Variants in UTS2B observed in about 807,000 individuals in gnomAD.
The protein encoded by UTS2B is urotensin-2B.
UTS2B carries 21 observed loss-of-function variants against 19.2 expected under a neutral mutation model. The ratio of observed to expected loss-of-function variants is 1.09; its 90% CI spans 0.78 to 1.58. The LOEUF is 1.58. Ranked by LOEUF, UTS2B falls within the 40% of genes most tolerant of loss-of-function variation. The pLI is 0.00. For missense variants in UTS2B, 138 were observed against 130.3 expected (o/e 1.06, Z -0.29); for synonymous variants, 57 against 50.2 (o/e 1.14, Z -0.58).
chr3:191,276,197 T>C (rs1490801671), intron 7 of UTS2B, among the ~76,000 whole-genome samples: 1 of 152,178 alleles, frequency 6.6e-6, no homozygotes, highest in African/African-American at 2.4e-5. Flanking sequence ...ACTACAAAAG[T>C]AGGGTTCAGC....
chr3:191,307,667 C>T (rs770184186), intron 3 of UTS2B, among the ~76,000 whole-genome samples: 9 of 152,144 alleles, frequency 5.9e-5, no homozygotes, highest in Non-Finnish European at 1.3e-4. Flanking sequence ...CTTTCCTGCA[C>T]TTTCAGCCTG....
intron 4 of UTS2B, among the ~76,000 whole-genome samples, chr3:191,289,241 C>T (rs1039896783): frequency 6.6e-6 from 1 of 151,882 alleles, no homozygotes; most frequent in Non-Finnish European, 1.5e-5. Context: ...AACCCCATCT[C>T]TACTAAAAAT....
chr3:191,305,141 G>A (rs1301455583), intron 3 of UTS2B, among the ~76,000 whole-genome samples: 1 of 152,144 alleles, frequency 6.6e-6, no homozygotes, highest in East Asian at 1.9e-4. Context: ...GCATGCATGT[G>A]TCTATATAAC....
At chr3:191,339,302 T>A in the UTS2B span, among the ~76,000 whole-genome samples, 9 of 152,336 alleles carry the variant, frequency 5.9e-5, no homozygotes. Context: ...TTAACACTGG[T>A]TAAAAATATG....
intron 4 of UTS2B, among the ~76,000 whole-genome samples, chr3:191,294,327 C>T (rs945829443): frequency 4.6e-5 from 7 of 151,862 alleles, no homozygotes; most frequent in African/African-American, 1.7e-4. Flanking sequence ...AGAGCAAAAA[C>T]TGGATTCAAA....
chr3:191,289,443 TAAATAAAAAACAAAC>T (rs1716651712), intron 4 of UTS2B, among the ~76,000 whole-genome samples: 12 of 144,930 alleles, frequency 8.3e-5, no homozygotes, highest in Admixed American at 5.0e-4. Flanking sequence ...AATAAATAAA[TAAATAAAAAACAAAC>T]GAAATTAATA....
In UTS2B at chr3:191,282,160, G is replaced by A; in HGVS notation, c.30C>T (p.Cys10=). Residue 10 remains cysteine (C), a synonymous_variant, in exon 5 of 9, where the codon TGC becomes TGT. Transcript: ENST00000340524. MNKILSSTV[C]FGLLTLLSVL... is the part of the protein sequence containing the mutation. ...CGGATAACAAAGTTAGGAGTCCAAA[G>A]CAAACAGTGCTTGAGAGGATCTTGT... is the stretch of plus-strand genomic sequence containing the variant. The A allele has an allele frequency of 6.2e-7, 1 of 1,613,198 alleles. No homozygotes were observed. The highest frequency in any genetic ancestry group is 2.2e-5 in the East Asian group (1 of 44,814).
chr3:191,318,123 TGTG>T (rs1717516931), intron 2 of UTS2B, among the ~76,000 whole-genome samples: 1 of 152,216 alleles, frequency 6.6e-6, no homozygotes, highest in Non-Finnish European at 1.5e-5. Flanking sequence ...GAAGCAATGT[TGTG>T]GTCATTTTTA....
At chr3:191,277,720 CCTATAA>C (rs370359550) in intron 6 of UTS2B, 236 of 154,522 alleles carry the variant, frequency 1.5e-3, no homozygotes, top group African/African-American at 5.4e-3. Context: ...CTAGAAGAAA[CCTATAA>C]CTATAATACT....
intron 3 of UTS2B, among the ~76,000 whole-genome samples, chr3:191,314,603 T>G (rs1211932560): frequency 6.6e-6 from 1 of 152,186 alleles, no homozygotes; most frequent in East Asian, 1.9e-4. Flanking sequence ...GCAGCCCCTA[T>G]GTAGCTTTGA....
chr3:191,327,635 C>A (rs1717780522), intron 2 of UTS2B, among the ~76,000 whole-genome samples: 1 of 152,196 alleles, frequency 6.6e-6, no homozygotes, highest in South Asian at 2.1e-4. Context: ...ATATTTCTCT[C>A]CTCCCTTCTT....
At position 191,275,291 on chromosome 3, in the gene UTS2B, C is replaced by A. The variant is rs370474067; in HGVS notation, c.295G>T (p.Ala99Ser). Residue 99 changes from alanine to serine, a missense_variant, in exon 8 of 9, where the codon GCT (alanine) becomes TCT (serine). By Grantham distance (99) the Ala-to-Ser change is moderately conservative (BLOSUM62 1). Coordinates refer to ENST00000340524, the MANE Select transcript of UTS2B (RefSeq NM_198152.5). ...TGAGAAGAGAATAGACCATCTACAG[C>A]ATAGGACGTCTCAGAATCCTTCTCC... Reference protein sequence around the residue: ...VEEKDSETSYAVDGLFSSHPS... With the variant: ...VEEKDSETSYSVDGLFSSHPS... 5 of 1,613,760 alleles carry A rather than the reference C, an allele frequency of 3.1e-6. No homozygotes were observed. The African/African-American group carries it at 5.3e-5, about 17-fold the overall frequency.
intron 4 of UTS2B, among the ~76,000 whole-genome samples, chr3:191,284,703 G>A (rs919944757): frequency 4.6e-5 from 7 of 151,312 alleles, no homozygotes; most frequent in East Asian, 2.0e-4. Flanking sequence ...GGCGGGTCAC[G>A]AGGCCAGGAG....
chr3:191,303,295 CT>C (rs34174500), intron 4 of UTS2B, among the ~76,000 whole-genome samples: 41,871 of 152,020 alleles, frequency 0.28, 6,515 homozygotes, highest in South Asian at 0.38. Context: ...AATATATCTG[CT>C]GTCAATTTAT....
intron 2 of UTS2B, among the ~76,000 whole-genome samples, chr3:191,317,394 C>A (rs1183825873): frequency 6.6e-6 from 1 of 152,266 alleles, no homozygotes; most frequent in Non-Finnish European, 1.5e-5. Flanking sequence ...CTCCACACCT[C>A]CCTGCAAGCA....
At chr3:191,272,222 G>A (rs1156308789) in intron 8 of UTS2B, among the ~76,000 whole-genome samples, 1 of 152,216 alleles carries the variant, frequency 6.6e-6, no homozygotes, top group Non-Finnish European at 1.5e-5. Context: ...CCAATATACA[G>A]TTTGATAACG....
Position 191,278,118 on chromosome 3 carries a change from C to T in UTS2B, c.156G>A (p.Leu52=). The change falls in exon 6 of 9, where the codon CTG becomes CTA. Residue 52 remains leucine, a synonymous_variant. Transcript: ENST00000340524. Reference sequence around the variant, plus strand: ...AATCAAAATTTTTATTCAGTAGAGCCAGCAATAGTTCCTCACGATTTGTAT... The same window carrying T: ...AATCAAAATTTTTATTCAGTAGAGCTAGCAATAGTTCCTCACGATTTGTAT... ...KKYTNREELL[L]ALLNKNFDFQ... The T allele has an allele frequency of 6.4e-7, 1 of 1,569,546 alleles. No individual in the cohort carries two copies. The highest frequency in any genetic ancestry group is 8.6e-7 in the Non-Finnish European group (1 of 1,161,372).
chr3:191,325,713 G>A (rs941132687), intron 2 of UTS2B, among the ~76,000 whole-genome samples: 2 of 152,182 alleles, frequency 1.3e-5, no homozygotes, highest in Non-Finnish European at 2.9e-5. Flanking sequence ...AGATTCACAT[G>A]TTGAAGCCCT....
intron 4 of UTS2B, among the ~76,000 whole-genome samples, chr3:191,295,863 A>G (rs1230771393): frequency 6.6e-6 from 1 of 152,120 alleles, no homozygotes; most frequent in Non-Finnish European, 1.5e-5. Context: ...CACTCCTTCT[A>G]TCTTACTTGC....
Sources: allele counts gnomAD v4.1 joint callset (sites outside exome capture counted in the v4.1 genomes callset), GRCh38; gene constraint gnomAD v4.1.1; transcripts MANE v1.5; gene names NCBI Gene and HGNC (gene_info 2026-07-23, HGNC 2026-07-21).